Variants in MAST2 observed in about 807,000 individuals in gnomAD.
MAST2 encodes microtubule-associated serine/threonine-protein kinase 2.
MAST2 carries 70 observed loss-of-function variants against 147.4 expected under a neutral mutation model. The observed-to-expected ratio is 0.47, with a 90% confidence interval of 0.39 to 0.58. The LOEUF (loss-of-function observed/expected upper bound fraction) is 0.58, where lower values mean the gene tolerates loss of function less well. MAST2 is among the 20% of genes least tolerant of loss of function. The pLI is 0.00. For synonymous variants in MAST2, 869 were observed against 896.8 expected, an observed-to-expected ratio of 0.97 and a Z score of 0.55; for missense variants, 2,080 against 2,302.3, an observed-to-expected ratio of 0.90 and a Z score of 1.98.
At chr1:46,012,387 G>C (rs1645750385) in intron 10 of MAST2, among the ~76,000 whole-genome samples, 1 of 152,222 alleles carries the variant, frequency 6.6e-6, no homozygotes, top group Admixed American at 6.5e-5. Context: ...TTTGGAGCCA[G>C]TTTGTTCATC....
In MAST2 at chr1:46,029,082, G is replaced by C; in HGVS notation, c.2218+149G>C. The C allele has an allele frequency of 3.4e-6, 3 of 874,890 alleles. No homozygotes were observed. In the South Asian group the frequency reaches 5.4e-5, roughly 16 times the overall value. The allele number at this position is 874,890 out of a possible 1,614,324, so 54.2% of individuals were successfully genotyped here. ...TGCTGCTTTGGGGATGGGTGTCTCT[G>C]TGTTTCTGCATGTACATACATGTGC... On this transcript the variant is annotated intron_variant, in intron 18 of 28. Coordinates refer to ENST00000361297, the MANE Select transcript of MAST2 (RefSeq NM_015112.3).
intron 4 of MAST2, among the ~76,000 whole-genome samples, chr1:45,929,224 T>C (rs1159973701): frequency 6.6e-6 from 1 of 152,222 alleles, no homozygotes; most frequent in Non-Finnish European, 1.5e-5. Flanking sequence ...TCTGTTTTTT[T>C]TTACCCTGAA....
rs368559528 is a variant in MAST2 at position 45,920,067 on chromosome 1, C to G, written c.500+37672C>G. 1.3e-4 allele frequency among the ~76,000 whole-genome samples: 20 copies of G among 152,220 alleles called. No individual in the cohort carries two copies. The East Asian group carries it at 3.9e-3, about 29-fold the overall frequency. Reference sequence around the variant, plus strand: ...AGCACTTGAGGCTAATTTTTTCTTACTACTGAGGCAATACTTTGAGTACTC... The same window carrying G: ...AGCACTTGAGGCTAATTTTTTCTTAGTACTGAGGCAATACTTTGAGTACTC... On this transcript the variant is annotated intron_variant, in intron 4 of 28. Transcript: ENST00000361297.
chr1:45,827,834 T>A (rs1557810293), intron 2 of MAST2, among the ~76,000 whole-genome samples: 1 of 152,178 alleles, frequency 6.6e-6, no homozygotes, highest in African/African-American at 2.4e-5. Context: ...TTCCTTTTTT[T>A]AAATTTTTTG....
At chr1:45,961,470 T>G (rs1660408669) in intron 5 of MAST2, among the ~76,000 whole-genome samples, 1 of 152,218 alleles carries the variant, frequency 6.6e-6, no homozygotes, top group Admixed American at 6.5e-5. Context: ...CAGTTAGCAT[T>G]TAGAACTAAA....
chr1:45,844,730 A>C (rs1481464594), intron 3 of MAST2, among the ~76,000 whole-genome samples: 1 of 152,152 alleles, frequency 6.6e-6, no homozygotes, highest in Non-Finnish European at 1.5e-5. Flanking sequence ...CAAGCATCTA[A>C]ATTTTTAAAA....
intron 5 of MAST2, among the ~76,000 whole-genome samples, chr1:45,984,184 TATC>T (rs1414742203): frequency 2.0e-5 from 3 of 152,208 alleles, no homozygotes; most frequent in Admixed American, 6.5e-5. Flanking sequence ...GATAAAAATT[TATC>T]ATCCCTTGGA....
chr1:46,007,237 C>T (rs1254534926), intron 8 of MAST2, among the ~76,000 whole-genome samples: 3 of 152,152 alleles, frequency 2.0e-5, no homozygotes, highest in Non-Finnish European at 4.4e-5. Flanking sequence ...CCCAGAGGAG[C>T]AGCAGTTCCT....
At chr1:45,901,425 C>A (rs1299953262) in intron 4 of MAST2, among the ~76,000 whole-genome samples, 1 of 152,044 alleles carries the variant, frequency 6.6e-6, no homozygotes, top group Non-Finnish European at 1.5e-5. Context: ...AATTTGAAGT[C>A]GAGTAGTGTG....
intron 21 of MAST2, 167 bp downstream of exon 21, chr1:46,030,405 T>C: frequency 2.4e-6 from 2 of 829,502 alleles, no homozygotes; most frequent in Non-Finnish European, 3.7e-6. Flanking sequence ...TAGGTGCTTC[T>C]AGAACCACTG....
At chr1:45,975,689 A>AC (rs1211320482) in intron 5 of MAST2, among the ~76,000 whole-genome samples, 1 of 149,208 alleles carries the variant, frequency 6.7e-6, no homozygotes, top group Non-Finnish European at 1.5e-5. Context: ...AAAAAAAAAA[A>AC]AAACACAGAC....
At chr1:45,980,984 C>T (rs780246203) in intron 5 of MAST2, among the ~76,000 whole-genome samples, 16 of 152,158 alleles carry the variant, frequency 1.1e-4, no homozygotes, top group East Asian at 1.9e-4. Context: ...GTTTAATATA[C>T]GCAGAGCTGG....
chr1:46,028,775 G>A lies in MAST2; in HGVS notation c.2060G>A (p.Gly687Glu). 6.2e-7 allele frequency: 1 copy of A among 1,614,106 alleles called. No homozygotes were observed. The highest frequency in any genetic ancestry group is 8.5e-7 in the Non-Finnish European group (1 of 1,179,996). Residue 687 changes from glycine (G) to glutamate (E), a missense_variant, in exon 18 of 29, where the codon GGG (glycine) becomes GAG (glutamate). Transcript: ENST00000361297. Reference protein sequence around the residue: ...AREFLDKQVCGTPEYIAPEVI... With the variant: ...AREFLDKQVCETPEYIAPEVI... The stretch of plus-strand genomic sequence containing the variant: ...TGGCTTTTCTGTGCCCAGGTATGCG[G>A]GACCCCAGAATACATTGCGCCTGAG...
At chr1:45,981,846 C>CTTT (rs34353072) in intron 5 of MAST2, among the ~76,000 whole-genome samples, 15,961 of 141,014 alleles carry the variant, frequency 0.11, 1,124 homozygotes, top group East Asian at 0.3. Context: ...GTAATTTTGG[C>CTTT]TTTTTTTTTT....
chr1:45,909,044 C>T (rs557264809), intron 4 of MAST2, among the ~76,000 whole-genome samples: 1 of 152,114 alleles, frequency 6.6e-6, no homozygotes, highest in African/African-American at 2.4e-5. Context: ...TGCCTAAAAT[C>T]GAAACTTTTT....
At chr1:46,013,049 A>T (rs778750413) in intron 10 of MAST2, among the ~76,000 whole-genome samples, 1 of 152,030 alleles carries the variant, frequency 6.6e-6, no homozygotes, top group Non-Finnish European at 1.5e-5. Flanking sequence ...GTATCATCCA[A>T]TGTGACAAAT....
At chr1:46,017,571 T>C in intron 10 of MAST2, among the ~76,000 whole-genome samples, 1 of 152,044 alleles carries the variant, frequency 6.6e-6, no homozygotes, top group Non-Finnish European at 1.5e-5. Context: ...GAAAAAATGC[T>C]CACCATCACT....
Position 46,006,407 on chromosome 1 carries a change from C to T in MAST2, c.902+12C>T. ...TCCCGGAGCCTCAGGTGAGGGTGCTCTCTGCCCACTGTTCCAGTGCATGTG... is the reference window on the plus strand; with the variant it reads ...TCCCGGAGCCTCAGGTGAGGGTGCTTTCTGCCCACTGTTCCAGTGCATGTG... On this transcript the variant is annotated intron_variant, in intron 8 of 28. Transcript: ENST00000361297. The T allele has an allele frequency of 6.2e-7, 1 of 1,609,042 alleles. No individual in the cohort carries two copies. The highest frequency in any genetic ancestry group is 8.5e-7 in the Non-Finnish European group (1 of 1,177,064).
chr1:45,987,550 A>G (rs1171757262), intron 5 of MAST2, among the ~76,000 whole-genome samples: 1 of 151,948 alleles, frequency 6.6e-6, no homozygotes, highest in Non-Finnish European at 1.5e-5. Context: ...GGATTCGAGC[A>G]ATCCTCTTGC....
Sources: allele counts gnomAD v4.1 joint callset (sites outside exome capture counted in the v4.1 genomes callset), GRCh38; gene constraint gnomAD v4.1.1; transcripts MANE v1.5; gene names NCBI Gene and HGNC (gene_info 2026-07-23, HGNC 2026-07-21).